LDLRAD4: variants seen among roughly 807,000 people sequenced by gnomAD.
LDLRAD4 encodes the protein low-density lipoprotein receptor class A domain-containing protein 4.
Under a neutral mutation model 17.0 loss-of-function variants are expected in LDLRAD4, and 5 were observed. The observed-to-expected ratio is 0.29, with a 90% CI of 0.15 to 0.62. The LOEUF (loss-of-function observed/expected upper bound fraction) is 0.62. Among genes scored for constraint, LDLRAD4 ranks in the 20% least tolerant of loss-of-function variants. The probability of loss-of-function intolerance (pLI) is 0.84; values close to 1 mark genes in which losing one functional copy is unlikely to be tolerated. For missense variants in LDLRAD4, 340 were observed against 424.7 expected, an observed-to-expected ratio of 0.80 and a Z score of 1.75; for synonymous variants, 168 against 171.8, an observed-to-expected ratio of 0.98 and a Z score of 0.17.
intron 1 of LDLRAD4, among the ~76,000 whole-genome samples, chr18:13,376,105 C>T (rs1013843760): frequency 1.3e-5 from 2 of 152,070 alleles, no homozygotes; most frequent in Non-Finnish European, 2.9e-5. Flanking sequence ...AGGGTAGGCA[C>T]GAGGTTGCTG....
chr18:13,252,484 C>T (rs925354619), intron 1 of LDLRAD4, among the ~76,000 whole-genome samples: 1 of 152,212 alleles, frequency 6.6e-6, no homozygotes, highest in Non-Finnish European at 1.5e-5. Context: ...GTGCGGGGAC[C>T]CAGGGTGGGC....
chr18:13,495,231 A>T (rs1309051110), intron 3 of LDLRAD4, among the ~76,000 whole-genome samples: 2 of 152,206 alleles, frequency 1.3e-5, no homozygotes, highest in African/African-American at 2.4e-5. Flanking sequence ...ATTTTGTCTC[A>T]TGGCCTCGCT....
intron 1 of LDLRAD4, among the ~76,000 whole-genome samples, chr18:13,307,078 C>A (rs192056267): frequency 6.6e-6 from 1 of 152,156 alleles, no homozygotes; most frequent in Admixed American, 6.5e-5. Flanking sequence ...GACATGAATC[C>A]GTCTATGAAG....
rs190877475 is a variant in LDLRAD4 at position 13,438,325 on chromosome 18, A to G, written c.122A>G (p.Asn41Ser). ...AACCAACAGAACGACTGTGGGGACAACAGTGACGAAGAGAACTGTCTCCTG... is the reference window on the plus strand; with the variant it reads ...AACCAACAGAACGACTGTGGGGACAGCAGTGACGAAGAGAACTGTCTCCTG... The change falls in exon 3 of 6, where the codon AAC (asparagine) becomes AGC (serine). Residue 41 changes from asparagine to serine, a missense_variant. Physicochemically the swap from Asn to Ser is conservative, Grantham distance 46. Coordinates refer to ENST00000359446, the Ensembl canonical transcript of LDLRAD4. The G allele has an allele frequency of 2.8e-4, 454 of 1,614,046 alleles. 2 individuals carry two copies. The highest frequency in any genetic ancestry group is 1.2e-5 in the Non-Finnish European group (14 of 1,179,870).
Position 13,387,771 on chromosome 18 carries a change from G to C in LDLRAD4, c.40+9G>C. On this transcript the variant is annotated intron_variant, in intron 2 of 5. Transcript: ENST00000359446. ...CACAAATGCTTTCACAGGTGAGCAT[G>C]CTCCAGGTAATCCGAGGCTTTGCCT... is the stretch of plus-strand genomic sequence containing the variant. The C allele has an allele frequency of 6.2e-7, 1 of 1,613,022 alleles. No homozygotes were observed. The highest frequency in any genetic ancestry group is 8.5e-7 in the Non-Finnish European group (1 of 1,179,010).
At chr18:13,423,925 A>G (rs1311082108) in intron 2 of LDLRAD4, among the ~76,000 whole-genome samples, 10 of 152,180 alleles carry the variant, frequency 6.6e-5, no homozygotes, top group Non-Finnish European at 1.2e-4. Context: ...TCCTGAGGTC[A>G]GGAGTTTGAG....
At chr18:13,651,316 T>C (rs1361462946) in exon 6 of LDLRAD4, 1 of 152,216 alleles carries the variant, frequency 6.6e-6, no homozygotes, top group Non-Finnish European at 1.5e-5. Flanking sequence ...GTGGAGCCAA[T>C]GAAGTAACAG....
Position 13,609,530 on chromosome 18 carries a change from CGT to C in LDLRAD4, c.182-11560_182-11559del, listed in dbSNP as rs72225166. Among the ~76,000 whole-genome samples the C allele has an allele frequency of 9.9e-3, 1,482 of 149,480 alleles. 14 individuals carry two copies. Among genetic ancestry groups the C allele is most frequent in the South Asian group, 0.047 (221 of 4,714 alleles). ...AGCGCTCATTATGCGTGTGTGTGTG[CGT>C]GTGTGTGTGTGTGTGTGTGTGTGTG... On this transcript the variant is annotated intron_variant, in intron 3 of 5. Coordinates refer to ENST00000359446, the Ensembl canonical transcript of LDLRAD4.
intron 3 of LDLRAD4, among the ~76,000 whole-genome samples, chr18:13,457,299 C>T (rs2146490463): frequency 1.3e-5 from 2 of 152,360 alleles, no homozygotes; most frequent in East Asian, 3.9e-4. Context: ...GCAAAGGACA[C>T]AGATGAAGGG....
intron 1 of LDLRAD4, among the ~76,000 whole-genome samples, chr18:13,263,434 C>T (rs548480950): frequency 6.6e-6 from 1 of 152,308 alleles, no homozygotes; most frequent in African/African-American, 2.4e-5. Context: ...ATCCTCAGGG[C>T]AGCCTGGTGA....
At chr18:13,334,311 C>T (rs2082002453) in intron 1 of LDLRAD4, among the ~76,000 whole-genome samples, 3 of 152,052 alleles carry the variant, frequency 2.0e-5, no homozygotes, top group Admixed American at 1.3e-4. Context: ...AATCTTGGCT[C>T]ACCACAACCT....
At chr18:13,460,670 T>C (rs1214291484) in intron 3 of LDLRAD4, among the ~76,000 whole-genome samples, 1 of 152,216 alleles carries the variant, frequency 6.6e-6, no homozygotes. Flanking sequence ...GTGATGAGGG[T>C]ATTTAAGGCA....
intron 3 of LDLRAD4, among the ~76,000 whole-genome samples, chr18:13,577,175 A>G (rs1328450270): frequency 2.0e-5 from 3 of 152,182 alleles, no homozygotes; most frequent in African/African-American, 7.2e-5. Context: ...AGTCACACAA[A>G]CAGAGTCCAT....
chr18:13,508,435 C>T (rs1296740638), intron 3 of LDLRAD4, among the ~76,000 whole-genome samples: 2 of 152,216 alleles, frequency 1.3e-5, no homozygotes, highest in African/African-American at 4.8e-5. Flanking sequence ...GTAGGGTTTT[C>T]ATAGCTGGAG....
At chr18:13,232,170 A>C (rs539986909) in intron 1 of LDLRAD4, among the ~76,000 whole-genome samples, 2 of 152,328 alleles carry the variant, frequency 1.3e-5, no homozygotes, top group South Asian at 4.1e-4. Flanking sequence ...GGGCCACCGC[A>C]GGGGCCTGCT....
chr18:13,257,181 GCCTGAACCCA>G (rs1329329754), intron 1 of LDLRAD4, among the ~76,000 whole-genome samples: 1 of 152,270 alleles, frequency 6.6e-6, no homozygotes, highest in Non-Finnish European at 1.5e-5. Flanking sequence ...GCTCAGAAAG[GCCTGAACCCA>G]TGTGCCGTGG....
intron 1 of LDLRAD4, among the ~76,000 whole-genome samples, chr18:13,270,178 C>T (rs1353444020): frequency 6.6e-6 from 1 of 151,996 alleles, no homozygotes; most frequent in African/African-American, 2.4e-5. Context: ...GGCTGGGCAA[C>T]ACAGCAAGAT....
chr18:13,594,460 C>T (rs1206464010), intron 3 of LDLRAD4, among the ~76,000 whole-genome samples: 2 of 151,746 alleles, frequency 1.3e-5, no homozygotes, highest in Non-Finnish European at 2.9e-5. Flanking sequence ...GAGGCCAAGG[C>T]GGACGGATCA....
intron 2 of LDLRAD4, among the ~76,000 whole-genome samples, chr18:13,405,556 G>A (rs1382519460): frequency 1.3e-5 from 2 of 151,522 alleles, no homozygotes; most frequent in Non-Finnish European, 2.9e-5. Context: ...TCAGCCTCCC[G>A]AGTTGCTGGG....
Sources: allele counts gnomAD v4.1 joint callset (sites outside exome capture counted in the v4.1 genomes callset), GRCh38; gene constraint gnomAD v4.1.1; transcripts MANE v1.5; gene names NCBI Gene and HGNC (gene_info 2026-07-23, HGNC 2026-07-21).